Variants in STK32B observed in about 807,000 individuals in gnomAD.
STK32B encodes serine/threonine kinase 32B, also known as serine/threonine-protein kinase 32B.
A neutral mutation model predicts 52.6 loss-of-function variants in STK32B; 43 were observed. The observed-to-expected ratio is 0.82, with a 90% CI of 0.64 to 1.05. The LOEUF is 1.05. STK32B is among the 50% of genes least tolerant of loss of function. The pLI is 0.00. For missense variants in STK32B, 621 were observed against 534.6 expected, an observed-to-expected ratio of 1.16 and a Z score of -1.59; for synonymous variants, 238 against 204.3, an observed-to-expected ratio of 1.17 and a Z score of -1.41.
At chr4:5,410,637 G>A (rs573674281) in intron 5 of STK32B, among the ~76,000 whole-genome samples, 6 of 152,302 alleles carry the variant, frequency 3.9e-5, no homozygotes, top group African/African-American at 1.2e-4. Context: ...AGCCAGGCTC[G>A]AATTCCTTTG....
intron 3 of STK32B, among the ~76,000 whole-genome samples, chr4:5,206,071 C>T (rs1421840025): frequency 1.3e-5 from 2 of 152,226 alleles, no homozygotes; most frequent in Non-Finnish European, 2.9e-5. Context: ...ACTACACCAA[C>T]AGATTTGGTC....
rs895251323 is a variant in STK32B at position 5,500,912 on chromosome 4, G to C, written c.*1829G>C. 1 of 152,086 alleles carries C rather than the reference G, an allele frequency of 6.6e-6. No individual in the cohort carries two copies. Among genetic ancestry groups the C allele is most frequent in the African/African-American group, 2.4e-5 (1 of 41,436 alleles). 9.4% of individuals were successfully genotyped at this position (152,086 alleles called of 1,614,324 possible). A position where few individuals can be genotyped will look rare whatever the true frequency, so the allele number is the denominator to read the frequency against. On this transcript the variant is annotated 3_prime_UTR_variant, in exon 12 of 12. Transcript: ENST00000282908. ...GTTCACGAATTAGGGGCAGGAGCTG[G>C]AAGTCGCCCTAGGAACACCAGATTT...
chr4:5,475,143 C>T (rs1460676989), intron 11 of STK32B, among the ~76,000 whole-genome samples: 2 of 152,128 alleles, frequency 1.3e-5, no homozygotes, highest in Admixed American at 1.3e-4. Flanking sequence ...AAAGTGTGGC[C>T]AGGCACGGTG....
At chr4:5,341,433 T>C (rs564505471) in intron 4 of STK32B, among the ~76,000 whole-genome samples, 1 of 152,372 alleles carries the variant, frequency 6.6e-6, no homozygotes, top group East Asian at 1.9e-4. Context: ...TGCTCACTTC[T>C]TCACCGAGTG....
At chr4:5,225,915 A>G (rs1723837744) in intron 3 of STK32B, among the ~76,000 whole-genome samples, 1 of 152,164 alleles carries the variant, frequency 6.6e-6, no homozygotes, top group Non-Finnish European at 1.5e-5. Flanking sequence ...GAATTTATCC[A>G]AAAAGCTTTG....
intron 4 of STK32B, among the ~76,000 whole-genome samples, chr4:5,368,291 ATTAT>A (rs879683670): frequency 0.083 from 12,509 of 151,146 alleles, 1,517 homozygotes; most frequent in Non-Finnish European, 0.098. Flanking sequence ...TAGGTCTACT[ATTAT>A]TCCTAATTAT....
the STK32B span, among the ~76,000 whole-genome samples, chr4:5,019,880 G>A: frequency 2.6e-5 from 4 of 152,176 alleles, no homozygotes; most frequent in African/African-American, 7.2e-5. Context: ...GTGCCAGGAG[G>A]GAAAGGGACT....
chr4:5,022,362 C>T, the STK32B span, among the ~76,000 whole-genome samples: 1 of 152,170 alleles, frequency 6.6e-6, no homozygotes, highest in East Asian at 1.9e-4. Flanking sequence ...GAAACCTACG[C>T]AGGACAGCCT....
chr4:5,465,040 A>T (rs971916865), intron 9 of STK32B, among the ~76,000 whole-genome samples: 1 of 152,164 alleles, frequency 6.6e-6, no homozygotes, highest in African/African-American at 2.4e-5. Flanking sequence ...AGTGCCAGGC[A>T]GGGGAAGGGA....
chr4:5,149,875 G>A (rs541199733), intron 2 of STK32B, among the ~76,000 whole-genome samples: 1 of 151,848 alleles, frequency 6.6e-6, no homozygotes, highest in South Asian at 2.1e-4. Context: ...TCAGCCTGAG[G>A]AATTTCCTTT....
At chr4:5,481,248 T>A (rs1718678644) in intron 11 of STK32B, among the ~76,000 whole-genome samples, 1 of 152,210 alleles carries the variant, frequency 6.6e-6, no homozygotes, top group Non-Finnish European at 1.5e-5. Flanking sequence ...GCATCTGTTG[T>A]TTCCTGACTT....
chr4:5,146,746 C>T (rs992071775), intron 2 of STK32B, among the ~76,000 whole-genome samples: 2 of 152,174 alleles, frequency 1.3e-5, no homozygotes, highest in Non-Finnish European at 2.9e-5. Flanking sequence ...TGTATGTCTT[C>T]TTCTGTACTC....
Position 5,460,367 on chromosome 4 carries a change from G to A in STK32B, c.909+139G>A. The A allele has an allele frequency of 1.5e-6, 2 of 1,360,630 alleles. No homozygotes were observed. The highest frequency in any genetic ancestry group is 1.4e-5 in the South Asian group (1 of 69,822). 84.3% of individuals were successfully genotyped at this position (1,360,630 alleles called of 1,614,324 possible). A position where few individuals can be genotyped will look rare whatever the true frequency, so the allele number is the denominator to read the frequency against. On this transcript the variant is annotated intron_variant, in intron 9 of 11. Transcript: ENST00000282908. This position sits in a 1 kb window ranked among gnomAD's most constrained non-coding sequence, Gnocchi z 4.8. ...AGCACCAAGGGCTTATGTCTTGCTG[G>A]AATTCAGGGTGAACTTGGGCCTGAT...
intron 4 of STK32B, among the ~76,000 whole-genome samples, chr4:5,360,011 TGTGTGGAAGATGGACTACAGGCA>T (rs2108997209): frequency 6.6e-6 from 1 of 152,308 alleles, no homozygotes; most frequent in Admixed American, 6.5e-5. Flanking sequence ...TTCAGGCTGC[TGTGTGGAAGATGGACTACAGGCA>T]GGAGGAGAGT....
chr4:5,035,845 G>A, the STK32B span, among the ~76,000 whole-genome samples: 4 of 150,444 alleles, frequency 2.7e-5, no homozygotes, highest in East Asian at 3.9e-4. Context: ...GCAGTGGCGC[G>A]ATCTTGGCTC....
intron 6 of STK32B, among the ~76,000 whole-genome samples, chr4:5,419,599 T>C (rs2109075230): frequency 6.6e-6 from 1 of 152,350 alleles, no homozygotes; most frequent in South Asian, 2.1e-4. Context: ...TTCTTTGTTT[T>C]CTGGTCCATA....
chr4:5,430,971 T>C (rs933815413), intron 6 of STK32B, among the ~76,000 whole-genome samples: 8 of 152,020 alleles, frequency 5.3e-5, no homozygotes, highest in African/African-American at 1.9e-4. Flanking sequence ...TGGCAGAGGG[T>C]GGGGAGAGTA....
At position 5,394,471 on chromosome 4, in the gene STK32B, AC is replaced by A. The variant is rs1736758461; in HGVS notation, c.435-3733del. Among the ~76,000 whole-genome samples the A allele has an allele frequency of 6.6e-6, 1 of 152,242 alleles. No individual in the cohort carries two copies. On this transcript the variant is annotated intron_variant, in intron 4 of 11. Transcript: ENST00000282908. This position sits in a 1 kb window ranked among gnomAD's most constrained non-coding sequence, Gnocchi z 4.2. ...ACTAAAGGCTCTGCTAAGATGCTTTACCCATAAAATGCTATTCTTATTAAAT... is the reference window on the plus strand; with the variant it reads ...ACTAAAGGCTCTGCTAAGATGCTTTACCATAAAATGCTATTCTTATTAAAT...
intron 1 of STK32B, among the ~76,000 whole-genome samples, chr4:5,120,039 T>G (rs994697224): frequency 4.6e-5 from 7 of 152,192 alleles, no homozygotes; most frequent in African/African-American, 1.7e-4. Context: ...GAACAATTTT[T>G]AAGTTTTAAA....
Sources: gnomAD v4.1 joint callset for allele counts (sites outside exome capture counted in the v4.1 genomes callset) on GRCh38, gnomAD v4.1.1 for gene constraint, Gnocchi (gnomAD v3.1) non-coding constraint, MANE v1.5 for transcripts, NCBI Gene and HGNC (gene_info 2026-07-23, HGNC 2026-07-21) for gene names.